PLCB4: variants seen among roughly 807,000 people sequenced by gnomAD.
The protein encoded by PLCB4 is phospholipase C beta 4.
PLCB4 carries 77 observed loss-of-function variants against 178.8 expected under a neutral mutation model. The ratio of observed to expected loss-of-function variants is 0.43; its 90% confidence interval spans 0.36 to 0.52. PLCB4 has a LOEUF of 0.52. Ranked by LOEUF, PLCB4 falls within the 20% of genes least tolerant of loss-of-function variation. PLCB4 has a pLI of 0.00. For synonymous variants in PLCB4, 496 were observed against 490.8 expected (o/e 1.01, Z -0.14); for missense variants, 1,024 against 1,453.4 (o/e 0.70, Z 4.80).
At chr20:9,282,852 A>T (rs553629311) in intron 3 of PLCB4, among the ~76,000 whole-genome samples, 1 of 151,990 alleles carries the variant, frequency 6.6e-6, no homozygotes, top group Non-Finnish European at 1.5e-5. Context: ...TGAGACTTCT[A>T]TGTGGCCTCT....
chr20:9,415,898 C>A (rs758517051), intron 25 of PLCB4, among the ~76,000 whole-genome samples: 1 of 152,230 alleles, frequency 6.6e-6, no homozygotes, highest in South Asian at 2.1e-4. Context: ...ATGCCCCAGC[C>A]CCCTGCACCC....
At chr20:9,151,648 C>A (rs924480225) in intron 2 of PLCB4, among the ~76,000 whole-genome samples, 1 of 152,092 alleles carries the variant, frequency 6.6e-6, no homozygotes, top group Non-Finnish European at 1.5e-5. Context: ...CCAATTAAAC[C>A]TTTTTTTCTT....
chr20:9,129,167 G>A (rs2092209629), intron 2 of PLCB4, among the ~76,000 whole-genome samples: 1 of 151,988 alleles, frequency 6.6e-6, no homozygotes, highest in Non-Finnish European at 1.5e-5. Context: ...CCCTGCTTTG[G>A]TACTTAGCAT....
intron 35 of PLCB4, among the ~76,000 whole-genome samples, chr20:9,465,693 A>C (rs994731225): frequency 2.0e-5 from 3 of 152,186 alleles, no homozygotes; most frequent in African/African-American, 7.2e-5. Context: ...ATTTGCTACA[A>C]AGAGAATAAA....
chr20:9,325,022 C>T (rs2030220616), intron 4 of PLCB4, among the ~76,000 whole-genome samples: 1 of 152,042 alleles, frequency 6.6e-6, no homozygotes, highest in Non-Finnish European at 1.5e-5. Context: ...TTTTCATAGA[C>T]CTGCCTTTTC....
intron 14 of PLCB4, among the ~76,000 whole-genome samples, chr20:9,384,922 G>A (rs887218996): frequency 9.2e-5 from 14 of 152,078 alleles, no homozygotes; most frequent in African/African-American, 2.9e-4. Flanking sequence ...CGTGAACAAA[G>A]GTCTCTGGTT....
chr20:9,390,123 A>C (rs2038019383), intron 16 of PLCB4, among the ~76,000 whole-genome samples, 165 bp downstream of exon 16: 1 of 152,188 alleles, frequency 6.6e-6, no homozygotes, highest in African/African-American at 2.4e-5. Context: ...CAAAGCAAAA[A>C]ACAACAAAAA....
At chr20:9,272,061 C>T (rs945119065) in intron 3 of PLCB4, among the ~76,000 whole-genome samples, 1 of 151,682 alleles carries the variant, frequency 6.6e-6, no homozygotes, top group Admixed American at 6.6e-5. Context: ...CCTAATAGTC[C>T]CAGCTACTCG....
rs2093899839 is a variant in PLCB4, at chr20:9,228,930, G to A, written c.-16+11478G>A. Among the ~76,000 whole-genome samples the A allele has an allele frequency of 2.0e-5, 3 of 152,168 alleles. No homozygotes were observed. The South Asian group carries it at 6.2e-4, about 32-fold the overall frequency. On this transcript the variant is annotated intron_variant, in intron 3 of 39. Coordinates refer to ENST00000378473, the MANE Select transcript of PLCB4 (RefSeq NM_001377142.1). ...TCCTAAGAGGCAGCTGATATCAACA[G>A]GCCTGACTCGGGCCAGCCAGAACTC...
At chr20:9,408,972 CT>C in intron 23 of PLCB4, 84 bp from the exon 24 acceptor site, 2 of 1,244,336 alleles carry the variant, frequency 1.6e-6, no homozygotes, top group South Asian at 2.7e-5. Context: ...CATTGTTGGC[CT>C]AGACCTTTGT....
At position 9,393,568 on chromosome 20, in the gene PLCB4, C is replaced by T; in HGVS notation, c.1324-20C>T. On this transcript the variant is annotated intron_variant, in intron 17 of 39. Transcript: ENST00000378473. ...GAAGCACAGCCCTTCCTTAATTCAG[C>T]TCTTTCTGTTTCTCTCTAGCTTGAA... 6.6e-7 allele frequency: 1 copy of T among 1,519,026 alleles called. No homozygotes were observed. The highest frequency in any genetic ancestry group is 9.1e-7 in the Non-Finnish European group (1 of 1,094,536). 94.1% of individuals were successfully genotyped at this position (1,519,026 alleles called of 1,614,324 possible).
chr20:9,455,287 G>T (rs2042989031), intron 33 of PLCB4, among the ~76,000 whole-genome samples: 1 of 152,066 alleles, frequency 6.6e-6, no homozygotes, highest in African/African-American at 2.4e-5. Context: ...GGTGTATTTA[G>T]AAACACAGTT....
chr20:9,389,496 G>A (rs1405384918), intron 15 of PLCB4, among the ~76,000 whole-genome samples: 1 of 152,216 alleles, frequency 6.6e-6, no homozygotes, highest in African/African-American at 2.4e-5. Context: ...GTGGGGAGGA[G>A]TCATACAGTG....
At chr20:9,153,012 C>T (rs537734567) in intron 2 of PLCB4, among the ~76,000 whole-genome samples, 10 of 152,292 alleles carry the variant, frequency 6.6e-5, no homozygotes, top group South Asian at 2.1e-4. Context: ...AGACTTGTAT[C>T]GGCCCTGTAA....
rs547830013 is a variant in PLCB4 at position 9,168,497 on chromosome 20, G to A, written c.-78-48893G>A. Among the ~76,000 whole-genome samples, 7 of 152,306 alleles carry A rather than the reference G, an allele frequency of 4.6e-5. No homozygotes were observed. The South Asian group carries it at 6.2e-4, about 14-fold the overall frequency. On this transcript the variant is annotated intron_variant, in intron 2 of 39. Transcript: ENST00000378473. ...CACTGTTTTCCACACTTTAATGTGC[G>A]TGTGAATCATTTGTGATTTTGTTAA...
chr20:9,184,616 A>C lies in PLCB4; in HGVS notation c.-78-32774A>C, dbSNP rs74183580. On this transcript the variant is annotated intron_variant, in intron 2 of 39. Transcript: ENST00000378473. ...TTGTGCCTCAAAAAAAAAAAAAAAAAAAAAACCTCTGGTTTTTATGATTAG... is the reference window on the plus strand; with the variant it reads ...TTGTGCCTCAAAAAAAAAAAAAAAACAAAAACCTCTGGTTTTTATGATTAG... Among the ~76,000 whole-genome samples the C allele has an allele frequency of 3.6e-3, 547 of 151,946 alleles. 2 individuals are homozygous for C. The highest frequency in any genetic ancestry group is 5.6e-3 in the Non-Finnish European group (383 of 67,940).
intron 30 of PLCB4, among the ~76,000 whole-genome samples, chr20:9,439,366 T>G (rs185732592): frequency 1.3e-5 from 2 of 152,312 alleles, no homozygotes; most frequent in African/African-American, 4.8e-5. Flanking sequence ...GCAGCCCTTT[T>G]CCAGCCTCTG....
intron 2 of PLCB4, among the ~76,000 whole-genome samples, chr20:9,200,329 A>T (rs1375091905): frequency 6.6e-6 from 1 of 152,150 alleles, no homozygotes; most frequent in Non-Finnish European, 1.5e-5. Flanking sequence ...CTGTTTTCAA[A>T]ATCTGTACTG....
At chr20:9,170,690 T>G (rs2093050112) in intron 2 of PLCB4, among the ~76,000 whole-genome samples, 1 of 152,196 alleles carries the variant, frequency 6.6e-6, no homozygotes, top group Non-Finnish European at 1.5e-5. Flanking sequence ...ACATTCCATG[T>G]TTGTGGGCAG....
Sources: gnomAD v4.1 joint callset for allele counts (sites outside exome capture counted in the v4.1 genomes callset) on GRCh38, gnomAD v4.1.1 for gene constraint, MANE v1.5 for transcripts, NCBI Gene and HGNC (gene_info 2026-07-23, HGNC 2026-07-21) for gene names.